DAPK1: variants seen among roughly 807,000 people sequenced by gnomAD.
DAPK1 encodes the protein death-associated protein kinase 1.
DAPK1 carries 56 observed loss-of-function variants against 144.9 expected under a neutral mutation model. The observed-to-expected ratio is 0.39, with a 90% CI of 0.31 to 0.48. The LOEUF is 0.48. DAPK1 is among the 20% of genes least tolerant of loss of function. The pLI, the probability that DAPK1 is intolerant of heterozygous loss-of-function variation, is 0.95. For missense variants in DAPK1, 1,454 were observed against 1,875.4 expected (o/e 0.78, Z 4.15); for synonymous variants, 690 against 749.0 (o/e 0.92, Z 1.29).
At chr9:87,538,792 A>G (rs111777804) in intron 2 of DAPK1, among the ~76,000 whole-genome samples, 59 of 152,132 alleles carry the variant, frequency 3.9e-4, no homozygotes, top group African/African-American at 1.4e-3. Context: ...TTACAAAACC[A>G]TAATGAATTA....
chr9:87,522,971 T>C (rs1022884556), intron 2 of DAPK1, among the ~76,000 whole-genome samples: 2 of 152,252 alleles, frequency 1.3e-5, no homozygotes, highest in African/African-American at 2.4e-5. Flanking sequence ...GAGCTCTTTA[T>C]CTATTAAATA....
intron 18 of DAPK1, among the ~76,000 whole-genome samples, chr9:87,665,352 G>T (rs1453586808): frequency 6.6e-6 from 1 of 152,182 alleles, no homozygotes; most frequent in Non-Finnish European, 1.5e-5. Flanking sequence ...AAAATGAATG[G>T]CACCATAGTC....
chr9:87,520,570 G>A (rs919039784), intron 2 of DAPK1, among the ~76,000 whole-genome samples: 5 of 152,180 alleles, frequency 3.3e-5, no homozygotes, highest in Non-Finnish European at 5.9e-5. Flanking sequence ...TTAAAAATCC[G>A]CCACTTTGGG....
Position 87,700,174 on chromosome 9 carries a change from T to C in DAPK1, c.2808T>C (p.Ser936=). ...TGTTTGTTCTGGATGCTGGGGCTTC[T>C]GGGTCAAAGGACATGAAGGTACTTC... ...NKLFVLDAGA[S]GSKDMKVLRN... Residue 936 remains serine, a synonymous_variant, in exon 24 of 26, where the codon TCT becomes TCC. Transcript: ENST00000408954. The C allele has an allele frequency of 6.2e-7, 1 of 1,608,244 alleles. No homozygotes were observed. The highest frequency in any genetic ancestry group is 8.5e-7 in the Non-Finnish European group (1 of 1,174,616).
chr9:87,646,019 G>C lies in DAPK1; in HGVS notation c.1131+5G>C, dbSNP rs2119158553. 1 of 1,613,440 alleles carries C rather than the reference G, an allele frequency of 6.2e-7. No homozygotes were observed. Among genetic ancestry groups the C allele is most frequent in the East Asian group, 2.2e-5 (1 of 44,872 alleles). On this transcript the variant is annotated splice_donor_5th_base_variant and intron_variant, in intron 12 of 25. Coordinates refer to ENST00000408954, the MANE Select transcript of DAPK1 (RefSeq NM_004938.4). ...GATGTTAACCAACCCAACAAGGTCT[G>C]GTTCTGTTCTGCCGCATACTGGAGG...
chr9:87,536,296 G>A (rs1329508171), intron 2 of DAPK1, among the ~76,000 whole-genome samples: 1 of 152,172 alleles, frequency 6.6e-6, no homozygotes, highest in African/African-American at 2.4e-5. Flanking sequence ...CTCAGGATGG[G>A]CGAGGGTAGA....
intron 2 of DAPK1, among the ~76,000 whole-genome samples, chr9:87,604,210 C>G (rs1024194581): frequency 6.6e-6 from 1 of 152,084 alleles, no homozygotes; most frequent in African/African-American, 2.4e-5. Flanking sequence ...AAAAGAGTCT[C>G]AGAAAGCCTG....
At chr9:87,682,053 A>G (rs7042454) in intron 20 of DAPK1, among the ~76,000 whole-genome samples, 9,771 of 152,208 alleles carry the variant, frequency 0.064, 1,067 homozygotes, top group African/African-American at 0.22. Flanking sequence ...CTCAACCCTT[A>G]TCCTTCTTTC....
At chr9:87,571,498 AACACACACAC>A (rs768913480) in intron 2 of DAPK1, among the ~76,000 whole-genome samples, 2 of 46,488 alleles carry the variant, frequency 4.3e-5, no homozygotes, top group Non-Finnish European at 7.5e-5. Flanking sequence ...CACACACCCC[AACACACACAC>A]ACACACACAC....
intron 3 of DAPK1, among the ~76,000 whole-genome samples, chr9:87,609,843 G>A (rs531184335): frequency 1.3e-5 from 2 of 152,294 alleles, no homozygotes; most frequent in African/African-American, 2.4e-5. Flanking sequence ...GAAGTCCACG[G>A]CAAGTCGAAC....
At chr9:87,497,685 C>G (rs1824214123), upstream of DAPK1, 1 of 198,768 alleles carries the variant, frequency 5.0e-6, no homozygotes, top group African/African-American at 2.3e-5. Flanking sequence ...CGCGGTAGAG[C>G]GCGCCAGCGA....
chr9:87,632,093 AAT>A (rs373422206), intron 3 of DAPK1: 7,649 of 568,890 alleles, frequency 0.013, no homozygotes, highest in Non-Finnish European at 0.015. Flanking sequence ...TATATGTAGA[AAT>A]ATATATATAT....
chr9:87,511,826 T>A (rs1204258906), intron 2 of DAPK1, among the ~76,000 whole-genome samples: 1 of 151,938 alleles, frequency 6.6e-6, no homozygotes, highest in Admixed American at 6.6e-5. Context: ...TTCTCCTGCC[T>A]CAACCTCCCA....
chr9:87,544,587 A>G (rs899937621), intron 2 of DAPK1, among the ~76,000 whole-genome samples: 5 of 152,204 alleles, frequency 3.3e-5, no homozygotes, highest in Non-Finnish European at 7.3e-5. Flanking sequence ...CAAACACAAT[A>G]TGCAGCTTTC....
intron 2 of DAPK1, among the ~76,000 whole-genome samples, chr9:87,509,623 A>G (rs1427260574): frequency 1.3e-5 from 2 of 152,150 alleles, no homozygotes; most frequent in South Asian, 2.1e-4. Flanking sequence ...GCCCCCCACA[A>G]TGCTGGGATT....
At chr9:87,605,218 C>T (rs187082016) in intron 3 of DAPK1, 43 bp downstream of exon 3, 59 of 1,519,916 alleles carry the variant, frequency 3.9e-5, no homozygotes, top group Admixed American at 2.2e-4. Context: ...GTGTGGTGGG[C>T]GTCAGCTGGC....
chr9:87,508,905 G>C (rs1824719847), intron 2 of DAPK1, among the ~76,000 whole-genome samples: 1 of 152,218 alleles, frequency 6.6e-6, no homozygotes, highest in African/African-American at 2.4e-5. Context: ...GATACCATGG[G>C]ACAGGCAGAG....
chr9:87,582,327 T>C (rs1412098022), intron 2 of DAPK1, among the ~76,000 whole-genome samples: 5 of 152,178 alleles, frequency 3.3e-5, no homozygotes, highest in Admixed American at 6.5e-5. Flanking sequence ...GAAACAGCGA[T>C]CATTAGCGTC....
At chr9:87,527,394 A>G (rs892006610) in intron 2 of DAPK1, among the ~76,000 whole-genome samples, 1 of 152,176 alleles carries the variant, frequency 6.6e-6, no homozygotes, top group African/African-American at 2.4e-5. Context: ...CTGCAAGTCT[A>G]GAAACAGCAA....
Sources: gnomAD v4.1 joint callset for allele counts (sites outside exome capture counted in the v4.1 genomes callset) on GRCh38, gnomAD v4.1.1 for gene constraint, MANE v1.5 for transcripts, NCBI Gene and HGNC (gene_info 2026-07-23, HGNC 2026-07-21) for gene names.